The following PRUNE2 variants were observed in gnomAD, a reference collection of about 807,000 sequenced individuals.
The protein encoded by PRUNE2 is prune homolog 2 with BCH domain, also known as protein prune homolog 2.
In PRUNE2, 164 loss-of-function variants were observed where a neutral mutation model predicts 252.0. That is an observed-to-expected ratio of 0.65 (90% CI 0.57 to 0.74). The LOEUF is 0.74. PRUNE2 is among the 30% of genes least tolerant of loss of function. The pLI is 0.00. For missense variants in PRUNE2, 3,495 were observed against 3,711.0 expected (o/e 0.94, Z 1.51); for synonymous variants, 1,292 against 1,350.2 (o/e 0.96, Z 0.94).
At chr9:76,678,750 C>A (rs1043264521) in intron 9 of PRUNE2, among the ~76,000 whole-genome samples, 7 of 151,936 alleles carry the variant, frequency 4.6e-5, no homozygotes, top group Non-Finnish European at 7.4e-5. Flanking sequence ...ATGGTGTGAA[C>A]CTCGGAGGCG....
At chr9:76,901,505 A>G (rs569347196) in intron 1 of PRUNE2, among the ~76,000 whole-genome samples, 1 of 152,330 alleles carries the variant, frequency 6.6e-6, no homozygotes, top group Admixed American at 6.5e-5. Context: ...TTCACTTTAA[A>G]TATCCTTTTT....
At chr9:76,836,801 A>G (rs527629394) in intron 4 of PRUNE2, among the ~76,000 whole-genome samples, 2 of 152,348 alleles carry the variant, frequency 1.3e-5, no homozygotes, top group East Asian at 1.9e-4. Context: ...ACATTTATCC[A>G]TGACTGTCCT....
intron 4 of PRUNE2, among the ~76,000 whole-genome samples, chr9:76,834,172 C>G (rs779109468): frequency 3.3e-5 from 5 of 152,064 alleles, no homozygotes; most frequent in African/African-American, 9.7e-5. Flanking sequence ...TGTGAGCCAC[C>G]GTGCCCGGCC....
chr9:76,842,709 C>G (rs563137134), intron 4 of PRUNE2, among the ~76,000 whole-genome samples: 46 of 151,994 alleles, frequency 3.0e-4, no homozygotes, highest in African/African-American at 7.7e-4. Context: ...AAGTGGCCAA[C>G]AAACATATGG....
chr9:76,657,267 G>T (rs1382557072), intron 9 of PRUNE2, among the ~76,000 whole-genome samples: 1 of 152,174 alleles, frequency 6.6e-6, no homozygotes. Flanking sequence ...ATGTTGGATT[G>T]AATTATTGAG....
chr9:76,708,114 G>T lies in PRUNE2; in HGVS notation c.4160C>A (p.Ala1387Asp). 1 of 1,613,978 alleles carries T rather than the reference G, an allele frequency of 6.2e-7. No homozygotes were observed. Among genetic ancestry groups the T allele is most frequent in the Non-Finnish European group, 8.5e-7 (1 of 1,179,880 alleles). ...CTCGGTTTGAGGACTGAAAGTGACA[G>T]CAAGAGAGCTGATTTTGCCTGATTT... ...CIKSGKISSL[A>D]VTFSPQTEEP... The change falls in exon 8 of 19, where the codon GCT becomes GAT. Residue 1387 changes from alanine to aspartate, a missense_variant. Transcript: ENST00000376718.
rs2056423497 is a variant in PRUNE2 at position 76,799,905 on chromosome 9, A to G, written c.756+23727T>C. Among the ~76,000 whole-genome samples the G allele has an allele frequency of 2.6e-5, 4 of 152,284 alleles. No homozygotes were observed. The South Asian group carries it at 8.3e-4, about 32-fold the overall frequency. On this transcript the variant is annotated intron_variant, in intron 6 of 18. Transcript: ENST00000376718. ...GAAGAGGCTTAGACCACCTACCCATAGGTGATAGAAAAAGAGGCTGTGAGA... is the reference window on the plus strand; with the variant it reads ...GAAGAGGCTTAGACCACCTACCCATGGGTGATAGAAAAAGAGGCTGTGAGA...
intron 15 of PRUNE2, among the ~76,000 whole-genome samples, chr9:76,635,798 A>G (rs1433868356): frequency 6.6e-6 from 1 of 152,224 alleles, no homozygotes; most frequent in Non-Finnish European, 1.5e-5. Context: ...TTTTAAAGCT[A>G]TCTAGAAAGT....
intron 1 of PRUNE2, among the ~76,000 whole-genome samples, chr9:76,857,784 G>C (rs1443626431): frequency 6.6e-6 from 1 of 152,138 alleles, no homozygotes; most frequent in Admixed American, 6.5e-5. Context: ...TCAAGCCAAG[G>C]CAGAAAATTC....
chr9:76,621,565 G>T (rs528209326), intron 17 of PRUNE2, among the ~76,000 whole-genome samples: 26 of 152,292 alleles, frequency 1.7e-4, no homozygotes, highest in Admixed American at 1.1e-3. Context: ...CAAGAGCATA[G>T]ACCTCCAAAA....
chr9:76,774,462 T>TATTTATTTA (rs1554761662), intron 6 of PRUNE2, among the ~76,000 whole-genome samples: 1 of 104,250 alleles, frequency 9.6e-6, no homozygotes, highest in African/African-American at 3.3e-5. Flanking sequence ...TTTTTTTTTT[T>TATTTATTTA]TTTTTTTTTT....
intron 9 of PRUNE2, among the ~76,000 whole-genome samples, chr9:76,663,852 T>C (rs2039615763): frequency 6.6e-6 from 1 of 152,242 alleles, no homozygotes. Flanking sequence ...ATTTGTTTGT[T>C]GTGGAGAAGA....
At position 76,714,769 on chromosome 9, in the gene PRUNE2, A is replaced by G. The variant is rs1158673842; in HGVS notation, c.757-1048T>C. Among the ~76,000 whole-genome samples, 3 of 152,222 alleles carry G rather than the reference A, an allele frequency of 2.0e-5. No individual in the cohort carries two copies. The East Asian group carries it at 5.8e-4, about 29-fold the overall frequency. ...GTGTCTCTCTTCCTTAAAGAAGTAC[A>G]GTGAAGAACATATGCTAGCCCCTAA... On this transcript the variant is annotated intron_variant, in intron 6 of 18. Transcript: ENST00000376718.
intron 3 of PRUNE2, among the ~76,000 whole-genome samples, chr9:76,848,870 G>T (rs376247909): frequency 6.6e-6 from 1 of 152,134 alleles, no homozygotes; most frequent in African/African-American, 2.4e-5. Context: ...ACTACATATG[G>T]TTCTTTGTTT....
chr9:76,614,659 A>T, intron 18 of PRUNE2, 59 bp from the exon 19 acceptor site: 1 of 1,311,200 alleles, frequency 7.6e-7, no homozygotes, highest in Admixed American at 1.7e-5. Context: ...ACATTTAGTA[A>T]TGATTTGGGT....
chr9:76,782,335 G>A (rs1022750046), intron 6 of PRUNE2, among the ~76,000 whole-genome samples: 3 of 152,220 alleles, frequency 2.0e-5, no homozygotes, highest in African/African-American at 7.2e-5. Context: ...GCTTTCTGGG[G>A]AGGAACAGTC....
At chr9:76,872,132 C>G (rs1589698196) in intron 1 of PRUNE2, among the ~76,000 whole-genome samples, 1 of 152,050 alleles carries the variant, frequency 6.6e-6, no homozygotes, top group South Asian at 2.1e-4. Context: ...ACCCTGTGCC[C>G]TCATGGCCAG....
At chr9:76,657,989 C>G (rs1431854821) in intron 9 of PRUNE2, among the ~76,000 whole-genome samples, 1 of 152,110 alleles carries the variant, frequency 6.6e-6, no homozygotes, top group African/African-American at 2.4e-5. Flanking sequence ...TTAGCATGCA[C>G]CGGGGGAAGA....
Position 76,611,681 on chromosome 9 carries a change from T to C in PRUNE2, c.*2889A>G, listed in dbSNP as rs1211828405. The stretch of plus-strand genomic sequence containing the variant: ...ATTACATCTTAACAAAGGCTAGGAG[T>C]AGTGACTTCCTCACACACCTCAGAG... On this transcript the variant is annotated 3_prime_UTR_variant, in exon 19 of 19. Coordinates refer to ENST00000376718, the MANE Select transcript of PRUNE2 (RefSeq NM_015225.3). The C allele has an allele frequency of 1.3e-5, 2 of 152,138 alleles. No homozygotes were observed. The highest frequency in any genetic ancestry group is 2.9e-5 in the Non-Finnish European group (2 of 67,974). The allele number at this position is 152,138 out of a possible 1,614,324, so 9.4% of individuals were successfully genotyped here.
Sources: gnomAD v4.1 joint callset for allele counts (sites outside exome capture counted in the v4.1 genomes callset) on GRCh38, gnomAD v4.1.1 for gene constraint, MANE v1.5 for transcripts, NCBI Gene and HGNC (gene_info 2026-07-23, HGNC 2026-07-21) for gene names.